NAALADL2: variants seen among roughly 807,000 people sequenced by gnomAD.
NAALADL2 encodes the protein N-acetylated alpha-linked acidic dipeptidase like 2, also known as inactive N-acetylated-alpha-linked acidic dipeptidase-like protein 2.
Under a neutral mutation model 87.2 loss-of-function variants are expected in NAALADL2, and 76 were observed. That is an observed-to-expected ratio of 0.87 (90% CI 0.72 to 1.05). The LOEUF is 1.05. Among genes scored for constraint, NAALADL2 ranks in the 50% least tolerant of loss-of-function variants. NAALADL2 has a pLI of 0.00. For missense variants in NAALADL2, 1,089 were observed against 945.8 expected, an observed-to-expected ratio of 1.15 and a Z score of -1.99; for synonymous variants, 354 against 331.0, an observed-to-expected ratio of 1.07 and a Z score of -0.75.
chr3:174,658,032 A>T lies in NAALADL2; in HGVS notation c.-114-79609A>T, dbSNP rs35768566. On this transcript the variant is annotated intron_variant, in intron 2 of 3. Coordinates refer to the NAALADL2 transcript ENST00000434257. ...CTACAGTTTATTCATTCACCTACTG[A>T]AGGATATCTTGGTTGCCTCCAATTT... Among the ~76,000 whole-genome samples the T allele has an allele frequency of 9.1e-3, 1,383 of 152,244 alleles. 13 individuals carry two copies. Among genetic ancestry groups the T allele is most frequent in the Non-Finnish European group, 0.015 (1,028 of 68,010 alleles).
chr3:174,488,641 GT>G (rs907861274), intron 1 of NAALADL2, among the ~76,000 whole-genome samples: 8 of 151,534 alleles, frequency 5.3e-5, no homozygotes, highest in African/African-American at 1.7e-4. Context: ...TTAGTTGACT[GT>G]TTTTTTTCAC....
At chr3:175,721,320 G>T (rs1033336472) in intron 11 of NAALADL2, among the ~76,000 whole-genome samples, 3 of 152,016 alleles carry the variant, frequency 2.0e-5, no homozygotes, top group Admixed American at 6.6e-5. Context: ...AGAAAAGGAA[G>T]TAAAGAAAGC....
intron 13 of NAALADL2, among the ~76,000 whole-genome samples, chr3:175,785,844 G>A (rs1453703421): frequency 4.7e-5 from 7 of 150,440 alleles, no homozygotes; most frequent in East Asian, 3.9e-4. Context: ...GGCTGGTACC[G>A]GTTGTTCCTT....
At chr3:175,417,582 T>G (rs1242806450) in intron 5 of NAALADL2, among the ~76,000 whole-genome samples, 2 of 152,106 alleles carry the variant, frequency 1.3e-5, no homozygotes, top group Non-Finnish European at 2.9e-5. Context: ...CTTAAACCAA[T>G]TAGCTCTCCA....
intron 1 of NAALADL2, among the ~76,000 whole-genome samples, chr3:174,994,608 G>T (rs1427840807): frequency 1.3e-5 from 2 of 151,312 alleles, no homozygotes; most frequent in Non-Finnish European, 2.9e-5. Flanking sequence ...TCTTTTAGCG[G>T]TCAACAAAAC....
At chr3:175,779,571 A>G (rs1178500390) in intron 13 of NAALADL2, among the ~76,000 whole-genome samples, 1 of 152,202 alleles carries the variant, frequency 6.6e-6, no homozygotes, top group Non-Finnish European at 1.5e-5. Context: ...ACCTCACACT[A>G]TGCTTTCAAG....
chr3:175,155,250 C>G (rs560157139), intron 2 of NAALADL2, among the ~76,000 whole-genome samples: 11 of 152,252 alleles, frequency 7.2e-5, no homozygotes, highest in African/African-American at 2.4e-4. Context: ...TAAAGTGCAA[C>G]TGGGGCTGAG....
At chr3:175,040,938 G>A (rs1204314954) in intron 1 of NAALADL2, among the ~76,000 whole-genome samples, 1 of 152,038 alleles carries the variant, frequency 6.6e-6, no homozygotes, top group Non-Finnish European at 1.5e-5. Flanking sequence ...CTGTAGACAC[G>A]GTGCTTGCAT....
rs1057511692 is a variant in NAALADL2, at chr3:175,808,572, T to C, written c.*5369T>C. 110 of 152,064 alleles carry C rather than the reference T, an allele frequency of 7.2e-4. 1 individual carries two copies. Among genetic ancestry groups the C allele is most frequent in the African/African-American group, 2.5e-3 (105 of 41,526 alleles). The allele number at this position is 152,064 out of a possible 1,614,324, so 9.4% of individuals were successfully genotyped here. On this transcript the variant is annotated 3_prime_UTR_variant, in exon 14 of 14. Coordinates refer to ENST00000454872, the MANE Select transcript of NAALADL2 (RefSeq NM_207015.3). ...CTAACAGTATTTCATCTAATTTCTT[T>C]GATGGCTTAAGCCAATAAGCACTGA...
intron 6 of NAALADL2, among the ~76,000 whole-genome samples, chr3:175,449,588 T>G (rs903382817): frequency 6.6e-6 from 1 of 151,586 alleles, no homozygotes; most frequent in African/African-American, 2.4e-5. Flanking sequence ...AGAGACGGGG[T>G]CTCACCATGT....
chr3:175,307,377 T>C (rs1055337320), intron 4 of NAALADL2, among the ~76,000 whole-genome samples: 2 of 152,218 alleles, frequency 1.3e-5, no homozygotes, highest in Admixed American at 6.5e-5. Context: ...AATTTTTAAA[T>C]GTTAACGTAT....
chr3:174,473,672 A>G (rs1271276319), intron 1 of NAALADL2, among the ~76,000 whole-genome samples: 4 of 151,918 alleles, frequency 2.6e-5, no homozygotes, highest in African/African-American at 9.7e-5. Context: ...CTTTTTTTTC[A>G]TAGGGAGAGG....
chr3:175,212,150 C>T (rs540455171), intron 2 of NAALADL2, among the ~76,000 whole-genome samples: 42 of 152,056 alleles, frequency 2.8e-4, no homozygotes, highest in African/African-American at 9.9e-4. Flanking sequence ...AGATGAAACA[C>T]ATTAATCTAG....
intron 2 of NAALADL2, among the ~76,000 whole-genome samples, chr3:175,190,914 C>CT (rs1432709376): frequency 6.8e-6 from 1 of 146,066 alleles, no homozygotes; most frequent in Non-Finnish European, 1.5e-5. Flanking sequence ...GGAGGCGGAG[C>CT]TTGCAGTGAG....
At chr3:175,402,570 A>C (rs1207912542) in intron 5 of NAALADL2, among the ~76,000 whole-genome samples, 1 of 152,120 alleles carries the variant, frequency 6.6e-6, no homozygotes, top group Non-Finnish European at 1.5e-5. Context: ...TAATTATATA[A>C]ACAGGTGTAT....
chr3:174,754,938 A>T (rs1286461147), intron 3 of NAALADL2, among the ~76,000 whole-genome samples: 4 of 152,096 alleles, frequency 2.6e-5, no homozygotes, highest in African/African-American at 9.7e-5. Flanking sequence ...TACCTTTTTT[A>T]AGTTTATATA....
chr3:174,586,329 G>A (rs1716717458), intron 2 of NAALADL2, among the ~76,000 whole-genome samples: 1 of 151,948 alleles, frequency 6.6e-6, no homozygotes, highest in Non-Finnish European at 1.5e-5. Flanking sequence ...GATAAATAAG[G>A]CCACAATGAA....
intron 2 of NAALADL2, among the ~76,000 whole-genome samples, chr3:174,649,310 A>C (rs900880060): frequency 6.6e-6 from 1 of 152,184 alleles, no homozygotes; most frequent in African/African-American, 2.4e-5. Flanking sequence ...CTTGTCAGAG[A>C]GTTCACAGAT....
intron 2 of NAALADL2, among the ~76,000 whole-genome samples, chr3:174,689,397 C>CTTT (rs58366472): frequency 1.1e-3 from 170 of 149,428 alleles, no homozygotes; most frequent in African/African-American, 1.5e-3. Context: ...CCCGCTTCAC[C>CTTT]TTTTTTTTAC....
Sources: gnomAD v4.1 joint callset for allele counts (sites outside exome capture counted in the v4.1 genomes callset) on GRCh38, gnomAD v4.1.1 for gene constraint, MANE v1.5 for transcripts, NCBI Gene and HGNC (gene_info 2026-07-23, HGNC 2026-07-21) for gene names.